The following DAB1 variants were observed in gnomAD, a reference collection of about 807,000 sequenced individuals.
DAB1 encodes the protein DAB adaptor protein 1.
DAB1 carries 15 observed loss-of-function variants against 64.6 expected under a neutral mutation model. That is an observed-to-expected ratio of 0.23 (90% CI 0.16 to 0.36). The LOEUF (loss-of-function observed/expected upper bound fraction) is 0.36. DAB1 is among the 10% of genes least tolerant of loss of function. The probability of loss-of-function intolerance (pLI) is 1.00; values close to 1 mark genes in which losing one functional copy is unlikely to be tolerated. For synonymous variants in DAB1, 235 were observed against 251.9 expected, an observed-to-expected ratio of 0.93 and a Z score of 0.64; for missense variants, 596 against 706.7, an observed-to-expected ratio of 0.84 and a Z score of 1.78.
intron 4 of DAB1, among the ~76,000 whole-genome samples, chr1:58,241,374 T>C (rs144671594): frequency 3.6e-4 from 54 of 152,006 alleles, no homozygotes; most frequent in African/African-American, 1.3e-3. Context: ...TGAAATACAT[T>C]TGGATAGTCA....
intron 1 of DAB1, among the ~76,000 whole-genome samples, chr1:57,291,718 TCC>T (rs1672789841): frequency 2.6e-5 from 4 of 152,146 alleles, no homozygotes; most frequent in African/African-American, 9.7e-5. Context: ...TGTCAGATTT[TCC>T]TCCAGCTATA....
chr1:57,353,114 T>TACACACACACAC (rs10572319), intron 1 of DAB1, among the ~76,000 whole-genome samples: 5 of 145,636 alleles, frequency 3.4e-5, no homozygotes, highest in African/African-American at 1.0e-4. Context: ...TTTTTTTCCA[T>TACACACACACAC]ACACACACAC....
chr1:57,207,585 A>C (rs907072433), intron 2 of DAB1, among the ~76,000 whole-genome samples: 1 of 146,678 alleles, frequency 6.8e-6, no homozygotes. Context: ...CTGGGACTAC[A>C]GGCGCCCGCC....
chr1:58,023,945 A>G (rs1646850596), intron 5 of DAB1, among the ~76,000 whole-genome samples: 1 of 152,138 alleles, frequency 6.6e-6, no homozygotes, highest in Non-Finnish European at 1.5e-5. Context: ...TGTAATGTAG[A>G]TATATTTCAA....
chr1:57,767,078 C>T (rs1025332856), intron 6 of DAB1, among the ~76,000 whole-genome samples: 12 of 152,062 alleles, frequency 7.9e-5, no homozygotes, highest in African/African-American at 2.2e-4. Flanking sequence ...ACTCTTTGAA[C>T]GTCATCATTT....
intron 2 of DAB1, among the ~76,000 whole-genome samples, chr1:58,515,139 C>T (rs1303006116): frequency 6.6e-6 from 1 of 152,148 alleles, no homozygotes; most frequent in Admixed American, 6.6e-5. Flanking sequence ...TCTTAAAGCT[C>T]ATTTTATTTT....
At chr1:58,037,972 T>C (rs545784172) in intron 5 of DAB1, among the ~76,000 whole-genome samples, 1 of 152,170 alleles carries the variant, frequency 6.6e-6, no homozygotes, top group Non-Finnish European at 1.5e-5. Context: ...TACTCACTAA[T>C]TCAAGTCATA....
chr1:58,100,897 G>A (rs1380224539), intron 5 of DAB1, among the ~76,000 whole-genome samples: 2 of 152,096 alleles, frequency 1.3e-5, no homozygotes, highest in African/African-American at 4.8e-5. Context: ...AAAGAGTCGG[G>A]TAAGGTCCAA....
At chr1:57,688,266 C>A (rs1197395007) in intron 6 of DAB1, among the ~76,000 whole-genome samples, 4 of 152,106 alleles carry the variant, frequency 2.6e-5, no homozygotes, top group Admixed American at 6.6e-5. Context: ...CATAAACAGA[C>A]ACTTCTCAAA....
chr1:57,631,013 GAA>G (rs1215121341), intron 7 of DAB1, among the ~76,000 whole-genome samples: 5 of 152,268 alleles, frequency 3.3e-5, no homozygotes, highest in Middle Eastern at 3.4e-3. Context: ...AACAGAATAT[GAA>G]TGTGACAATA....
intron 5 of DAB1, among the ~76,000 whole-genome samples, chr1:58,026,289 AG>A (rs2100466708): frequency 6.6e-6 from 1 of 152,360 alleles, no homozygotes; most frequent in South Asian, 2.1e-4. Context: ...CATAGAGTGT[AG>A]GCTGAGCAGC....
At chr1:57,174,868 T>C (rs1487283521) in intron 2 of DAB1, among the ~76,000 whole-genome samples, 2 of 152,168 alleles carry the variant, frequency 1.3e-5, no homozygotes, top group Non-Finnish European at 2.9e-5. Context: ...TGGGATAGTA[T>C]ATAATTAGTT....
chr1:58,018,148 G>A lies in DAB1; in HGVS notation n.387+132363C>T, dbSNP rs192199663. Among the ~76,000 whole-genome samples, 145 of 151,472 alleles carry A rather than the reference G, an allele frequency of 9.6e-4. 1 individual carries two copies. The highest frequency in any genetic ancestry group is 3.4e-3 in the African/African-American group (140 of 40,970). ...TTTTATACACCAAGGCAACACTCAC[G>A]TTCCCTCACTCTCTCTGCTTCTATC... On this transcript the variant is annotated intron_variant and non_coding_transcript_variant, in intron 5 of 20. Transcript: ENST00000485760.
intron 1 of DAB1, among the ~76,000 whole-genome samples, chr1:57,834,456 A>G (rs1248778871): frequency 6.6e-6 from 1 of 152,164 alleles, no homozygotes; most frequent in East Asian, 1.9e-4. Context: ...TGAACATTTC[A>G]TTAGTACCTA....
At chr1:58,400,737 G>A (rs1644561710) in intron 3 of DAB1, among the ~76,000 whole-genome samples, 1 of 152,036 alleles carries the variant, frequency 6.6e-6, no homozygotes, top group Non-Finnish European at 1.5e-5. Context: ...GCATAACAAA[G>A]GCTATAAAGC....
At chr1:57,626,235 G>A (rs77173473) in intron 7 of DAB1, among the ~76,000 whole-genome samples, 128 of 152,248 alleles carry the variant, frequency 8.4e-4, no homozygotes, top group African/African-American at 2.9e-3. Context: ...TGAGGAGCTG[G>A]TGAAGGTTTC....
rs1652767838 is a variant in DAB1 at position 57,083,579 on chromosome 1, C to T, written c.307-11165G>A. Among the ~76,000 whole-genome samples the T allele has an allele frequency of 2.0e-5, 3 of 152,076 alleles. No individual in the cohort carries two copies. In the South Asian group the frequency reaches 6.2e-4, roughly 32 times the overall value. On this transcript the variant is annotated intron_variant, in intron 4 of 14. Transcript: ENST00000371236. ...TAGAAAATGACTTTTTGTGTTGTAC[C>T]CAGTCTGAAATTAACCTCTGCCTTG...
Position 57,113,746 on chromosome 1 carries a change from A to C in DAB1, c.306+22797T>G, listed in dbSNP as rs193239004. Among the ~76,000 whole-genome samples, 940 of 152,224 alleles carry C rather than the reference A, an allele frequency of 6.2e-3. 5 individuals are homozygous for C. Among genetic ancestry groups the C allele is most frequent in the Non-Finnish European group, 0.01 (705 of 68,018 alleles). Reference sequence around the variant, plus strand: ...CCTATAAGCCATTGTAGTTTTGTCAACTCTGGCTCTAGATCCAGGAAGTGT... The same window carrying C: ...CCTATAAGCCATTGTAGTTTTGTCACCTCTGGCTCTAGATCCAGGAAGTGT... On this transcript the variant is annotated intron_variant, in intron 4 of 14. Transcript: ENST00000371236.
At chr1:57,085,389 A>G (rs932094496) in intron 4 of DAB1, among the ~76,000 whole-genome samples, 1 of 152,182 alleles carries the variant, frequency 6.6e-6, no homozygotes, top group African/African-American at 2.4e-5. Flanking sequence ...TGAAGAAGCT[A>G]GGCTGTCTGC....
Sources: gnomAD v4.1 joint callset for allele counts (sites outside exome capture counted in the v4.1 genomes callset) on GRCh38, gnomAD v4.1.1 for gene constraint, MANE v1.5 for transcripts, NCBI Gene and HGNC (gene_info 2026-07-23, HGNC 2026-07-21) for gene names.